Variants in PPIE observed in about 807,000 individuals in gnomAD.
The protein encoded by PPIE is peptidylprolyl isomerase E, also known as peptidyl-prolyl cis-trans isomerase E.
In PPIE, 20 loss-of-function variants were observed where a neutral mutation model predicts 38.4. That is an observed-to-expected ratio of 0.52 (90% CI 0.37 to 0.76). The LOEUF (loss-of-function observed/expected upper bound fraction) is 0.76. Ranked by LOEUF, PPIE falls within the 30% of genes least tolerant of loss-of-function variation. The pLI, the probability that PPIE is intolerant of heterozygous loss-of-function variation, is 0.00. For synonymous variants in PPIE, 142 were observed against 135.7 expected (o/e 1.05, Z -0.32); for missense variants, 322 against 385.8 (o/e 0.83, Z 1.39).
intron 1 of PPIE, among the ~76,000 whole-genome samples, chr1:39,739,919 G>A (rs907601181): frequency 2.0e-5 from 3 of 152,298 alleles, no homozygotes; most frequent in Admixed American, 6.5e-5. Flanking sequence ...TTGATGGAAT[G>A]GAGGCAGGGA....
At chr1:39,760,410 C>G (rs185202946), downstream of PPIE, 37 of 1,613,406 alleles carry the variant, frequency 2.3e-5, no homozygotes, top group Non-Finnish European at 2.5e-5. Flanking sequence ...CTGGGCCGGG[C>G]GGGTGGACTC....
At chr1:39,762,964 A>ACT (rs201908753) in intron 9 of PPIE, 11 of 1,190,362 alleles carry the variant, frequency 9.2e-6, no homozygotes, top group East Asian at 2.4e-5. Context: ...GACGTTACTG[A>ACT]CTGTGCAGAC....
intron 4 of PPIE, chr1:39,742,495 T>TTC (rs1362512362): frequency 8.7e-6 from 1 of 115,500 alleles, no homozygotes; most frequent in Admixed American, 9.6e-5. Context: ...TCTTTCTTTT[T>TTC]TTTTTTTTTT....
Position 39,752,818 on chromosome 1 carries a change from G to A in PPIE, c.695-92G>A, listed in dbSNP as rs1647876437. On this transcript the variant is annotated intron_variant, in intron 8 of 9. Transcript: ENST00000324379. ...TCTGTGCATCCCCGAGTCTGAGCCT[G>A]ACTGGCTGAAGGGCTGTCAACAGCC... 2.0e-6 allele frequency: 3 copies of A among 1,489,300 alleles called. No individual in the cohort carries two copies. The Admixed American group carries it at 6.7e-5, about 33-fold the overall frequency. The allele number at this position is 1,489,300 out of a possible 1,614,324, so 92.3% of individuals were successfully genotyped here.
At chr1:39,762,755 C>A in intron 9 of PPIE, 2 of 1,371,310 alleles carry the variant, frequency 1.5e-6, no homozygotes, top group Non-Finnish European at 1.9e-6. Context: ...CACACAGCCC[C>A]CACACAGTGT....
rs917506470 is a variant in PPIE, at chr1:39,756,419, C to T, written c.*3064C>T. 2.7e-5 allele frequency: 27 copies of T among 985,274 alleles called. No individual in the cohort carries two copies. Among genetic ancestry groups the T allele is most frequent in the African/African-American group, 3.5e-5 (2 of 57,220 alleles). 61.0% of individuals were successfully genotyped at this position (985,274 alleles called of 1,614,324 possible). A position where few individuals can be genotyped will look rare whatever the true frequency, so the allele number is the denominator to read the frequency against. On this transcript the variant is annotated 3_prime_UTR_variant, in exon 10 of 10. Coordinates refer to ENST00000324379, the MANE Select transcript of PPIE (RefSeq NM_006112.4). ...GAGTCCCCACATGCTGGCCCTGAAA[C>T]GGTTACAAAGGCTGAAACCAGGGAT...
chr1:39,740,124 A>G (rs371039714), intron 1 of PPIE, 41 bp from the exon 2 acceptor site: 11 of 1,516,206 alleles, frequency 7.3e-6, no homozygotes, highest in Non-Finnish European at 1.0e-5. Context: ...CTGCAAGAGT[A>G]TGGAGATCAG....
intron 3 of PPIE, 171 bp from the exon 4 acceptor site, chr1:39,741,724 C>T (rs1042521105): frequency 1.0e-5 from 7 of 695,178 alleles, no homozygotes; most frequent in Non-Finnish European, 1.7e-5. Flanking sequence ...ATTGTTGCAC[C>T]ACCAGCTCTA....
intron 7 of PPIE, chr1:39,747,696 G>A (rs1043197562): frequency 1.3e-5 from 2 of 151,988 alleles, no homozygotes; most frequent in Non-Finnish European, 2.9e-5. Flanking sequence ...TCAAACTCCT[G>A]ACCTCATGAT....
chr1:39,762,800 T>C (rs759390457), intron 9 of PPIE: 61 of 1,212,546 alleles, frequency 5.0e-5, no homozygotes, highest in African/African-American at 2.5e-4. Flanking sequence ...CTCTGAGCGC[T>C]GCACACAGGT....
downstream of PPIE, chr1:39,757,391 A>C (rs1302444339): frequency 6.6e-6 from 1 of 152,256 alleles, no homozygotes; most frequent in East Asian, 1.9e-4. Flanking sequence ...CCAGGATTCA[A>C]ATCTATTTGG....
At chr1:39,740,365 G>GTA in intron 2 of PPIE, 102 bp downstream of exon 2, 2 of 902,874 alleles carry the variant, frequency 2.2e-6, no homozygotes, top group Non-Finnish European at 3.4e-6. Flanking sequence ...AATATGGTTA[G>GTA]TATACACTAC....
chr1:39,760,565 G>A, downstream of PPIE: 2 of 1,613,558 alleles, frequency 1.2e-6, no homozygotes, highest in Non-Finnish European at 1.7e-6. Flanking sequence ...ATCATCAGGT[G>A]CACCTGGCCA....
intron 9 of PPIE, among the ~76,000 whole-genome samples, chr1:39,762,162 G>T (rs538025948): frequency 7.9e-5 from 12 of 152,342 alleles, no homozygotes; most frequent in Admixed American, 6.5e-4. Context: ...ATTATCATAG[G>T]CTCAGAGCAG....
intron 1 of PPIE, 176 bp downstream of exon 1, chr1:39,739,107 A>G: frequency 1.7e-6 from 1 of 604,564 alleles, no homozygotes; most frequent in Non-Finnish European, 2.5e-6. Context: ...AAGGTTTCCC[A>G]CTGTCCTCAG....
chr1:39,752,531 T>C (rs1228785405), intron 8 of PPIE, among the ~76,000 whole-genome samples: 1 of 152,174 alleles, frequency 6.6e-6, no homozygotes, highest in Non-Finnish European at 1.5e-5. Context: ...CAAATGTCCA[T>C]GTTACCAGGC....
At chr1:39,741,810 A>G (rs1456178478) in intron 3 of PPIE, 85 bp from the exon 4 acceptor site, 1 of 1,505,014 alleles carries the variant, frequency 6.6e-7, no homozygotes, top group African/African-American at 1.4e-5. Flanking sequence ...ATTTTTCTGG[A>G]TTTTTGCTAC....
intron 3 of PPIE, 101 bp downstream of exon 3, chr1:39,741,510 C>A: frequency 8.3e-7 from 1 of 1,209,274 alleles, no homozygotes; most frequent in Non-Finnish European, 1.2e-6. Context: ...GGGCCTTAGG[C>A]TGATGCTTCC....
chr1:39,754,087 CAGGA>C lies in PPIE; in HGVS notation c.*735_*738del. ...AGTACTATGCCTATTTGTCAGGAGA[CAGGA>C]AGCCAACAAACTACATGTGCCTAAT... On this transcript the variant is annotated 3_prime_UTR_variant, in exon 10 of 10. Transcript: ENST00000324379. The C allele has an allele frequency of 1.0e-6, 1 of 984,646 alleles. No individual in the cohort carries two copies. 61.0% of individuals were successfully genotyped at this position (984,646 alleles called of 1,614,324 possible). A position where few individuals can be genotyped will look rare whatever the true frequency, so the allele number is the denominator to read the frequency against.
Sources: allele counts gnomAD v4.1 joint callset (sites outside exome capture counted in the v4.1 genomes callset), GRCh38; gene constraint gnomAD v4.1.1; transcripts MANE v1.5; gene names NCBI Gene and HGNC (gene_info 2026-07-23, HGNC 2026-07-21).